The following AFF3 variants were observed in gnomAD, a reference collection of about 807,000 sequenced individuals.
AFF3 encodes the protein AF4/FMR2 family member 3.
Under a neutral mutation model 129.7 loss-of-function variants are expected in AFF3, and 32 were observed. The ratio of observed to expected loss-of-function variants is 0.25; its 90% confidence interval spans 0.19 to 0.33. The LOEUF is 0.33. AFF3 is among the 10% of genes least tolerant of loss of function. The pLI, the probability that AFF3 is intolerant of heterozygous loss-of-function variation, is 1.00. For synonymous variants in AFF3, 644 were observed against 635.4 expected (o/e 1.01, Z -0.20); for missense variants, 1,373 against 1,592.0 (o/e 0.86, Z 2.34).
chr2:99,969,745 C>T lies in AFF3; in HGVS notation c.873+36887G>A, dbSNP rs191298621. Reference sequence around the variant, plus strand: ...CTCTACCTCCTGACCTCAGGTGATCCACCCGCCTTGGCCTCCTGAAGTGCT... The same window carrying T: ...CTCTACCTCCTGACCTCAGGTGATCTACCCGCCTTGGCCTCCTGAAGTGCT... On this transcript the variant is annotated intron_variant, in intron 7 of 24. Coordinates refer to ENST00000672756, the MANE Select transcript of AFF3 (RefSeq NM_001386135.1). Among the ~76,000 whole-genome samples, 617 of 152,226 alleles carry T rather than the reference C, an allele frequency of 4.1e-3. 4 individuals carry two copies. The highest frequency in any genetic ancestry group is 0.014 in the African/African-American group (600 of 41,532).
At chr2:99,965,703 T>C (rs1677675991) in intron 7 of AFF3, among the ~76,000 whole-genome samples, 1 of 152,224 alleles carries the variant, frequency 6.6e-6, no homozygotes, top group African/African-American at 2.4e-5. Context: ...AAGAGTTTGG[T>C]GGCAAAACTA....
intron 4 of AFF3, among the ~76,000 whole-genome samples, chr2:100,046,172 T>G (rs138189286): frequency 2.0e-5 from 3 of 152,340 alleles, no homozygotes; most frequent in African/African-American, 7.2e-5. Flanking sequence ...ATGTAAGGCA[T>G]GTACTTAGCT....
At chr2:99,568,768 T>A (rs1271899255) in intron 19 of AFF3, 84 bp downstream of exon 19, 1 of 1,326,762 alleles carries the variant, frequency 7.5e-7, no homozygotes. Context: ...GATTTTATAA[T>A]TACCCCAGCT....
chr2:99,578,717 G>T (rs1173768609), intron 17 of AFF3, among the ~76,000 whole-genome samples: 1 of 152,200 alleles, frequency 6.6e-6, no homozygotes, highest in Non-Finnish European at 1.5e-5. Context: ...CCAGAAACAG[G>T]CTTGGTGAGG....
intron 8 of AFF3, among the ~76,000 whole-genome samples, chr2:99,836,710 G>T (rs1576143969): frequency 7.0e-6 from 1 of 143,216 alleles, no homozygotes; most frequent in Non-Finnish European, 1.5e-5. Flanking sequence ...AAAATAAAGT[G>T]TTTTTTTTTT....
At chr2:100,139,312 T>A (rs184112156) in intron 1 of AFF3, among the ~76,000 whole-genome samples, 3 of 152,326 alleles carry the variant, frequency 2.0e-5, no homozygotes, top group Admixed American at 2.0e-4. Context: ...CCATTTAACA[T>A]GTCCCCTGGT....
chr2:99,555,128 C>T (rs72817019), intron 22 of AFF3, among the ~76,000 whole-genome samples: 135 of 152,296 alleles, frequency 8.9e-4, no homozygotes, highest in Admixed American at 3.3e-3. Flanking sequence ...AAGGGCTTCA[C>T]CCACAGCCTG....
At chr2:99,954,047 T>C (rs1313566606) in intron 7 of AFF3, among the ~76,000 whole-genome samples, 2 of 152,238 alleles carry the variant, frequency 1.3e-5, no homozygotes, top group African/African-American at 4.8e-5. Context: ...TTGCCTTGTA[T>C]ACTTATTCCA....
intron 13 of AFF3, among the ~76,000 whole-genome samples, chr2:99,646,829 T>C (rs1033283589): frequency 6.6e-6 from 1 of 152,238 alleles, no homozygotes; most frequent in African/African-American, 2.4e-5. Context: ...AAAATATGAA[T>C]GCAATTAATT....
At chr2:99,750,815 G>A (rs1043274633) in intron 9 of AFF3, among the ~76,000 whole-genome samples, 2 of 152,110 alleles carry the variant, frequency 1.3e-5, no homozygotes, top group African/African-American at 4.8e-5. Context: ...ATTCAAAGAG[G>A]CATTTGATCT....
At chr2:99,689,920 C>CTACCAAAAA (rs1675438994) in intron 11 of AFF3, among the ~76,000 whole-genome samples, 1 of 150,792 alleles carries the variant, frequency 6.6e-6, no homozygotes, top group Non-Finnish European at 1.5e-5. Flanking sequence ...GACCCCATCT[C>CTACCAAAAA]TACCAAAAAT....
chr2:99,999,560 T>C (rs1681189227), intron 7 of AFF3, among the ~76,000 whole-genome samples: 1 of 152,224 alleles, frequency 6.6e-6, no homozygotes, highest in South Asian at 2.1e-4. Flanking sequence ...CTTCAATTTC[T>C]ACATTCAGAG....
At chr2:99,598,633 C>T (rs191920951) in intron 14 of AFF3, among the ~76,000 whole-genome samples, 270 of 152,340 alleles carry the variant, frequency 1.8e-3, no homozygotes, top group African/African-American at 6.0e-3. Flanking sequence ...CAGGATGTTA[C>T]AGCAGGGGAG....
chr2:99,689,360 C>T (rs926927508), intron 11 of AFF3, among the ~76,000 whole-genome samples: 2 of 152,140 alleles, frequency 1.3e-5, no homozygotes, highest in African/African-American at 4.8e-5. Flanking sequence ...TTCCACTTCT[C>T]TGAGTCTCGG....
chr2:99,563,437 G>A (rs1675667941), intron 20 of AFF3, among the ~76,000 whole-genome samples: 1 of 151,476 alleles, frequency 6.6e-6, no homozygotes, highest in Non-Finnish European at 1.5e-5. Flanking sequence ...TGCTCTGCCT[G>A]CCTCAGCCTC....
chr2:99,561,141 A>T (rs1220198192), intron 20 of AFF3, among the ~76,000 whole-genome samples: 1 of 152,240 alleles, frequency 6.6e-6, no homozygotes, highest in African/African-American at 2.4e-5. Context: ...AGCGACTTAT[A>T]AGTTGTAAGT....
At chr2:99,738,646 T>C (rs1332593059) in intron 10 of AFF3, among the ~76,000 whole-genome samples, 1 of 152,160 alleles carries the variant, frequency 6.6e-6, no homozygotes, top group Non-Finnish European at 1.5e-5. Flanking sequence ...CAAAGGTAGT[T>C]GGCGTGGCTT....
chr2:100,126,649 CT>C (rs1480027785), intron 2 of AFF3, among the ~76,000 whole-genome samples: 1 of 152,178 alleles, frequency 6.6e-6, no homozygotes, highest in Non-Finnish European at 1.5e-5. Flanking sequence ...ATCTTTAATA[CT>C]TGTCATAATT....
intron 7 of AFF3, among the ~76,000 whole-genome samples, chr2:99,920,188 G>C (rs1483514971): frequency 6.6e-6 from 1 of 151,982 alleles, no homozygotes; most frequent in Non-Finnish European, 1.5e-5. Flanking sequence ...AAATGAAGGA[G>C]AGAACACTTC....
Sources: gnomAD v4.1 joint callset for allele counts (sites outside exome capture counted in the v4.1 genomes callset) on GRCh38, gnomAD v4.1.1 for gene constraint, MANE v1.5 for transcripts, NCBI Gene and HGNC (gene_info 2026-07-23, HGNC 2026-07-21) for gene names.